NRG3: variants seen among roughly 807,000 people sequenced by gnomAD.
NRG3 encodes neuregulin 3, also known as pro-neuregulin-3, membrane-bound isoform.
In NRG3, 31 loss-of-function variants were observed where a neutral mutation model predicts 66.9. That is an observed-to-expected ratio of 0.46 (90% CI 0.35 to 0.63). The LOEUF (loss-of-function observed/expected upper bound fraction) is 0.63, where lower values mean the gene tolerates loss of function less well. NRG3 is among the 20% of genes least tolerant of loss of function. The pLI is 0.00. For synonymous variants in NRG3, 393 were observed against 359.4 expected (o/e 1.09, Z -1.06); for missense variants, 910 against 878.9 (o/e 1.04, Z -0.45).
chr10:82,221,367 T>C (rs1425806378), intron 1 of NRG3, among the ~76,000 whole-genome samples: 1 of 152,158 alleles, frequency 6.6e-6, no homozygotes, highest in East Asian at 1.9e-4. Context: ...TTCTTTATGT[T>C]TCAACATTTT....
chr10:82,527,772 A>G (rs1846857837), intron 2 of NRG3, among the ~76,000 whole-genome samples: 1 of 152,084 alleles, frequency 6.6e-6, no homozygotes, highest in Non-Finnish European at 1.5e-5. Context: ...CTTGATCTTA[A>G]TGAGCTCTTT....
chr10:82,831,724 G>A (rs1261681572), intron 3 of NRG3, among the ~76,000 whole-genome samples: 2 of 152,152 alleles, frequency 1.3e-5, no homozygotes, highest in Non-Finnish European at 2.9e-5. Context: ...TGAGGCAGGA[G>A]GATTGCTTGA....
intron 3 of NRG3, among the ~76,000 whole-genome samples, chr10:82,775,406 T>G (rs1416560719): frequency 1.3e-5 from 2 of 152,110 alleles, no homozygotes; most frequent in Admixed American, 6.6e-5. Context: ...TTCTTTATAT[T>G]TGTGAATTTA....
chr10:82,451,233 T>C (rs1414457462), intron 2 of NRG3, among the ~76,000 whole-genome samples: 1 of 152,174 alleles, frequency 6.6e-6, no homozygotes, highest in Non-Finnish European at 1.5e-5. Flanking sequence ...CTCATCTAGA[T>C]GACTCAAATT....
At chr10:82,893,928 T>A (rs1843409656) in intron 4 of NRG3, among the ~76,000 whole-genome samples, 1 of 152,020 alleles carries the variant, frequency 6.6e-6, no homozygotes. Context: ...AATTATCAGA[T>A]AAAGAGAGGA....
rs377574681 is a variant in NRG3 at position 82,009,661 on chromosome 10, C to A, written c.823+133498C>A. Among the ~76,000 whole-genome samples the A allele has an allele frequency of 5.9e-5, 9 of 152,170 alleles. No individual in the cohort carries two copies. In the East Asian group the frequency reaches 1.7e-3, roughly 29 times the overall value. On this transcript the variant is annotated intron_variant, in intron 1 of 8. Coordinates refer to ENST00000372141, the MANE Select transcript of NRG3 (RefSeq NM_001010848.4). ...AAAACAAAAACACAAAAAAGGGATG[C>A]ATGCACTCTCAATAGAATTTTACAT...
At chr10:81,995,063 G>C (rs2133608385) in intron 1 of NRG3, among the ~76,000 whole-genome samples, 1 of 152,054 alleles carries the variant, frequency 6.6e-6, no homozygotes, top group East Asian at 1.9e-4. Flanking sequence ...ATTTTGTCTT[G>C]ATCCTGCTGA....
At chr10:82,696,317 T>C (rs1303325940) in intron 2 of NRG3, among the ~76,000 whole-genome samples, 1 of 152,084 alleles carries the variant, frequency 6.6e-6, no homozygotes, top group East Asian at 1.9e-4. Context: ...ATTGACAAAT[T>C]TGTAATCATG....
intron 1 of NRG3, among the ~76,000 whole-genome samples, chr10:81,934,933 C>T (rs1449399607): frequency 6.6e-6 from 1 of 152,214 alleles, no homozygotes; most frequent in Non-Finnish European, 1.5e-5. Flanking sequence ...CCTCAATTAA[C>T]TGCTGACACT....
At chr10:82,103,692 C>T (rs1166763262) in intron 1 of NRG3, among the ~76,000 whole-genome samples, 1 of 152,064 alleles carries the variant, frequency 6.6e-6, no homozygotes, top group African/African-American at 2.4e-5. Flanking sequence ...TTGTCTCTAG[C>T]TCTCTCTGCT....
intron 1 of NRG3, among the ~76,000 whole-genome samples, chr10:82,018,461 A>T (rs575534753): frequency 6.6e-6 from 1 of 152,228 alleles, no homozygotes; most frequent in Admixed American, 6.5e-5. Flanking sequence ...GTTTTTTCCA[A>T]TTCTGTGAAG....
intron 1 of NRG3, among the ~76,000 whole-genome samples, chr10:82,344,033 T>A (rs966484854): frequency 6.6e-6 from 1 of 151,826 alleles, no homozygotes; most frequent in African/African-American, 2.4e-5. Flanking sequence ...ACACATAAAT[T>A]CTCATTTAAA....
chr10:82,413,192 A>G (rs963187352), intron 2 of NRG3, among the ~76,000 whole-genome samples: 3 of 152,198 alleles, frequency 2.0e-5, no homozygotes, highest in Non-Finnish European at 2.9e-5. Context: ...CTAGGGCCTT[A>G]TGAAACGTAT....
intron 1 of NRG3, among the ~76,000 whole-genome samples, chr10:82,342,021 T>G (rs2082712457): frequency 6.6e-6 from 1 of 151,912 alleles, no homozygotes; most frequent in Non-Finnish European, 1.5e-5. Context: ...ATTTCTTTTT[T>G]ATGGCTGAGT....
intron 1 of NRG3, among the ~76,000 whole-genome samples, chr10:82,270,650 G>A (rs887383024): frequency 6.6e-6 from 1 of 152,046 alleles, no homozygotes; most frequent in African/African-American, 2.4e-5. Context: ...CGAAGGTATA[G>A]CAAAATGGTT....
chr10:82,023,316 A>G (rs2062145561), intron 1 of NRG3, among the ~76,000 whole-genome samples: 1 of 151,886 alleles, frequency 6.6e-6, no homozygotes, highest in African/African-American at 2.4e-5. Flanking sequence ...GGATAATTTC[A>G]TTTCTTTTTT....
intron 1 of NRG3, among the ~76,000 whole-genome samples, chr10:82,082,150 G>T (rs924743699): frequency 2.0e-5 from 3 of 152,132 alleles, no homozygotes; most frequent in Non-Finnish European, 4.4e-5. Context: ...TGGCCTAACT[G>T]CTTATGTGTA....
At chr10:82,547,635 G>GTA (rs1267857083) in intron 2 of NRG3, among the ~76,000 whole-genome samples, 13 of 148,890 alleles carry the variant, frequency 8.7e-5, no homozygotes, top group South Asian at 8.5e-4. Context: ...GTGTGTGTGT[G>GTA]TATATATATA....
intron 1 of NRG3, among the ~76,000 whole-genome samples, chr10:82,292,335 A>G (rs1038914872): frequency 1.7e-4 from 26 of 152,182 alleles, no homozygotes; most frequent in Non-Finnish European, 3.4e-4. Context: ...GACAACACCA[A>G]ATTCTGACAG....
Sources: allele counts gnomAD v4.1 joint callset (sites outside exome capture counted in the v4.1 genomes callset), GRCh38; gene constraint gnomAD v4.1.1; transcripts MANE v1.5; gene names NCBI Gene and HGNC (gene_info 2026-07-23, HGNC 2026-07-21).